PPFIA2: variants seen among roughly 807,000 people sequenced by gnomAD.
The protein encoded by PPFIA2 is PPFI scaffold protein A2.
PPFIA2 carries 46 observed loss-of-function variants against 175.5 expected under a neutral mutation model. That is an observed-to-expected ratio of 0.26 (90% CI 0.21 to 0.34). The LOEUF is 0.34. Among genes scored for constraint, PPFIA2 ranks in the 10% least tolerant of loss-of-function variants. PPFIA2 has a pLI of 1.00. For synonymous variants in PPFIA2, 568 were observed against 511.4 expected, an observed-to-expected ratio of 1.11 and a Z score of -1.49; for missense variants, 1,179 against 1,506.1, an observed-to-expected ratio of 0.78 and a Z score of 3.60.
At chr12:81,349,100 A>G (rs2059580144) in intron 17 of PPFIA2, among the ~76,000 whole-genome samples, 1 of 152,164 alleles carries the variant, frequency 6.6e-6, no homozygotes, top group Non-Finnish European at 1.5e-5. Context: ...GTTGAGCTAC[A>G]TTTACTCACC....
intron 4 of PPFIA2, chr12:81,675,393 A>G (rs541849102): frequency 6.6e-6 from 1 of 152,108 alleles, no homozygotes; most frequent in African/African-American, 2.4e-5. Context: ...ATACCCATTC[A>G]ATCTTTCATG....
chr12:81,490,161 T>A (rs190852386), intron 4 of PPFIA2, among the ~76,000 whole-genome samples: 1 of 152,072 alleles, frequency 6.6e-6, no homozygotes, highest in Non-Finnish European at 1.5e-5. Context: ...AAATTTACTA[T>A]GTTTGTGAAT....
Position 81,546,648 on chromosome 12 carries a change from T to C in PPFIA2, c.304-88782A>G, listed in dbSNP as rs553754641. On this transcript the variant is annotated intron_variant, in intron 4 of 32. Transcript: ENST00000549396. ...CTTAGGTATAAGTAAAAGCATCTAA[T>C]GAATTCACTATGCTTGGTCATGCCT... Among the ~76,000 whole-genome samples the C allele has an allele frequency of 5.9e-5, 9 of 152,290 alleles. No homozygotes were observed. In the South Asian group the frequency reaches 8.3e-4, roughly 14 times the overall value.
intron 3 of PPFIA2, among the ~76,000 whole-genome samples, chr12:81,677,287 T>C (rs1017124656): frequency 2.6e-5 from 4 of 151,978 alleles, no homozygotes; most frequent in Non-Finnish European, 5.9e-5. Context: ...AAGTATTTGA[T>C]GTGTAATAAT....
At chr12:81,367,707 T>C (rs907315375) in intron 13 of PPFIA2, among the ~76,000 whole-genome samples, 1 of 151,644 alleles carries the variant, frequency 6.6e-6, no homozygotes, top group Non-Finnish European at 1.5e-5. Context: ...TAATATTACA[T>C]GTCACAAAGT....
chr12:81,281,523 A>T, intron 26 of PPFIA2, 73 bp from the exon 27 acceptor site: 1 of 949,920 alleles, frequency 1.1e-6, no homozygotes, highest in Non-Finnish European at 1.5e-6. Flanking sequence ...ATTACCTATT[A>T]TTATAACTGA....
intron 5 of PPFIA2, among the ~76,000 whole-genome samples, chr12:81,452,597 G>A (rs893577393): frequency 2.0e-4 from 30 of 152,156 alleles, no homozygotes; most frequent in African/African-American, 5.5e-4. Context: ...AACTATATAC[G>A]CACATGCATG....
chr12:81,667,066 T>C (rs1405683826), intron 4 of PPFIA2, among the ~76,000 whole-genome samples: 1 of 152,090 alleles, frequency 6.6e-6, no homozygotes, highest in Non-Finnish European at 1.5e-5. Context: ...TTGGAAACTT[T>C]CCTAGCAGTT....
At chr12:81,425,193 A>C (rs2046931943) in intron 7 of PPFIA2, among the ~76,000 whole-genome samples, 1 of 152,196 alleles carries the variant, frequency 6.6e-6, no homozygotes. Context: ...TAATGTGGGG[A>C]TCCATCAACT....
chr12:81,262,479 T>G (rs557895919), intron 31 of PPFIA2, among the ~76,000 whole-genome samples: 1 of 152,308 alleles, frequency 6.6e-6, no homozygotes, highest in African/African-American at 2.4e-5. Flanking sequence ...GATCACAGTT[T>G]ATGTTGGAAC....
At chr12:81,591,264 G>T (rs2058643289) in intron 4 of PPFIA2, among the ~76,000 whole-genome samples, 1 of 152,154 alleles carries the variant, frequency 6.6e-6, no homozygotes, top group Non-Finnish European at 1.5e-5. Context: ...TTTCAAAGCA[G>T]CAAAACATTC....
intron 4 of PPFIA2, among the ~76,000 whole-genome samples, chr12:81,634,290 G>A (rs934453233): frequency 1.3e-5 from 2 of 151,842 alleles, no homozygotes; most frequent in South Asian, 2.1e-4. Context: ...ATTCTTTCTC[G>A]AAATGTTCCT....
chr12:81,410,129 C>A (rs1039416041), intron 7 of PPFIA2, among the ~76,000 whole-genome samples: 29 of 152,122 alleles, frequency 1.9e-4, no homozygotes, highest in African/African-American at 7.0e-4. Flanking sequence ...AGAAGGCAGT[C>A]CTTCCAAATC....
At chr12:81,533,727 C>A (rs902557893) in intron 4 of PPFIA2, among the ~76,000 whole-genome samples, 2 of 119,792 alleles carry the variant, frequency 1.7e-5, no homozygotes, top group Admixed American at 7.9e-5. Flanking sequence ...ATCTATCTAT[C>A]TATCTATCTA....
chr12:81,565,672 C>T (rs1207328703), intron 4 of PPFIA2, among the ~76,000 whole-genome samples: 2 of 152,056 alleles, frequency 1.3e-5, no homozygotes, highest in African/African-American at 2.4e-5. Context: ...AATTATAGAC[C>T]AACTCCTAAA....
chr12:81,545,661 T>C (rs1226241480), intron 4 of PPFIA2: 1 of 152,318 alleles, frequency 6.6e-6, no homozygotes, highest in African/African-American at 2.4e-5. Context: ...TCAGGGGTCC[T>C]GCTCAGTTGG....
At chr12:81,643,600 C>T (rs948951916) in intron 4 of PPFIA2, among the ~76,000 whole-genome samples, 4 of 151,782 alleles carry the variant, frequency 2.6e-5, no homozygotes, top group African/African-American at 9.7e-5. Flanking sequence ...GAAAAAATAA[C>T]GATATACAGG....
chr12:81,446,675 A>G (rs1179692899), intron 5 of PPFIA2, among the ~76,000 whole-genome samples: 1 of 152,218 alleles, frequency 6.6e-6, no homozygotes, highest in African/African-American at 2.4e-5. Flanking sequence ...CAAAATAAAG[A>G]AGAAAATAAA....
In PPFIA2 at chr12:81,691,024, C is replaced by T. The variant is rs114776228; in HGVS notation, c.250-14180G>A. ...TCTCCATCTCAAGATTCTTAACCGA[C>T]CTAATGTTCTCACACCCACAATGTC... On this transcript the variant is annotated intron_variant, in intron 3 of 32. Coordinates refer to ENST00000549396, the MANE Select transcript of PPFIA2 (RefSeq NM_003625.5). Among the ~76,000 whole-genome samples the T allele has an allele frequency of 4.2e-3, 644 of 152,192 alleles. 4 individuals are homozygous for T. Among genetic ancestry groups the T allele is most frequent in the African/African-American group, 0.015 (608 of 41,534 alleles).
Sources: gnomAD v4.1 joint callset for allele counts (sites outside exome capture counted in the v4.1 genomes callset) on GRCh38, gnomAD v4.1.1 for gene constraint, MANE v1.5 for transcripts, NCBI Gene and HGNC (gene_info 2026-07-23, HGNC 2026-07-21) for gene names.